Variants in RPS6KC1 observed in about 807,000 individuals in gnomAD.
The protein encoded by RPS6KC1 is inactive ribosomal protein S6 kinase delta-1.
RPS6KC1 carries 54 observed loss-of-function variants against 103.8 expected under a neutral mutation model. That is an observed-to-expected ratio of 0.52 (90% CI 0.42 to 0.65). The LOEUF (loss-of-function observed/expected upper bound fraction) is 0.65, where lower values mean the gene tolerates loss of function less well. Among genes scored for constraint, RPS6KC1 ranks in the 30% least tolerant of loss-of-function variants. The pLI, the probability that RPS6KC1 is intolerant of heterozygous loss-of-function variation, is 0.00. For missense variants in RPS6KC1, 1,151 were observed against 1,253.8 expected, an observed-to-expected ratio of 0.92 and a Z score of 1.24; for synonymous variants, 439 against 438.7, an observed-to-expected ratio of 1.00 and a Z score of -0.01.
the RPS6KC1 span, among the ~76,000 whole-genome samples, chr1:213,757,327 A>C: frequency 6.6e-6 from 1 of 152,232 alleles, no homozygotes; most frequent in Non-Finnish European, 1.5e-5. Context: ...AGGAAATTAA[A>C]AGTACTACTC....
chr1:213,352,321 T>TA, the RPS6KC1 span, among the ~76,000 whole-genome samples: 26 of 152,302 alleles, frequency 1.7e-4, no homozygotes, highest in African/African-American at 6.3e-4. Context: ...AAAACCTGTT[T>TA]AAAAATAAAA....
intron 1 of RPS6KC1, among the ~76,000 whole-genome samples, chr1:213,060,595 C>G (rs953386468): frequency 2.0e-5 from 3 of 152,066 alleles, no homozygotes; most frequent in African/African-American, 7.2e-5. Context: ...AAATGTAAAC[C>G]ATTCCTGATT....
the RPS6KC1 span, among the ~76,000 whole-genome samples, chr1:213,370,973 T>C: frequency 7.2e-5 from 11 of 152,190 alleles, no homozygotes; most frequent in Non-Finnish European, 1.5e-5. Flanking sequence ...AAAATACACA[T>C]AACATTGATC....
At chr1:213,812,499 A>G in the RPS6KC1 span, among the ~76,000 whole-genome samples, 3 of 152,182 alleles carry the variant, frequency 2.0e-5, no homozygotes, top group African/African-American at 7.2e-5. Flanking sequence ...TGTGTATTCT[A>G]TGTGCCCGAG....
At chr1:213,504,646 T>G in the RPS6KC1 span, among the ~76,000 whole-genome samples, 1 of 152,212 alleles carries the variant, frequency 6.6e-6, no homozygotes, top group African/African-American at 2.4e-5. Context: ...ACAGTTTAAC[T>G]GGGTATTAAA....
chr1:213,515,813 C>T, the RPS6KC1 span, among the ~76,000 whole-genome samples: 2 of 152,038 alleles, frequency 1.3e-5, no homozygotes, highest in Non-Finnish European at 2.9e-5. Context: ...CCAAAAATTA[C>T]CTTGGGCAGT....
chr1:213,314,897 C>T, the RPS6KC1 span, among the ~76,000 whole-genome samples: 17 of 152,022 alleles, frequency 1.1e-4, no homozygotes, highest in African/African-American at 4.1e-4. Flanking sequence ...AGAATGGCTG[C>T]GAGTCCCCCA....
At chr1:213,095,668 T>C (rs2148695357) in intron 3 of RPS6KC1, among the ~76,000 whole-genome samples, 1 of 152,222 alleles carries the variant, frequency 6.6e-6, no homozygotes, top group Non-Finnish European at 1.5e-5. Flanking sequence ...TTCAGACCAT[T>C]GCAATAAAGT....
At chr1:213,290,572 C>G in the RPS6KC1 span, among the ~76,000 whole-genome samples, 1 of 152,006 alleles carries the variant, frequency 6.6e-6, no homozygotes, top group Non-Finnish European at 1.5e-5. Context: ...AGCCTATTCT[C>G]TTTCCAAACT....
chr1:213,264,868 C>G (rs1199084777), intron 14 of RPS6KC1, among the ~76,000 whole-genome samples: 1 of 152,120 alleles, frequency 6.6e-6, no homozygotes. Context: ...GTTCTTAGAT[C>G]TCATAATCCC....
At chr1:213,790,141 TC>T in the RPS6KC1 span, among the ~76,000 whole-genome samples, 1 of 152,156 alleles carries the variant, frequency 6.6e-6, no homozygotes, top group Non-Finnish European at 1.5e-5. Context: ...CACCACAGAT[TC>T]TTTCCATAAC....
At chr1:213,223,368 A>G (rs1057100218) in intron 8 of RPS6KC1, among the ~76,000 whole-genome samples, 4 of 152,014 alleles carry the variant, frequency 2.6e-5, no homozygotes, top group South Asian at 2.1e-4. Flanking sequence ...CCACCTCACA[A>G]CCTTCCCTCC....
chr1:213,693,485 A>G, the RPS6KC1 span, among the ~76,000 whole-genome samples: 11 of 152,316 alleles, frequency 7.2e-5, no homozygotes, highest in East Asian at 1.9e-4. Flanking sequence ...AACACCCAAC[A>G]TTCAGTGATT....
the RPS6KC1 span, among the ~76,000 whole-genome samples, chr1:213,301,703 T>C: frequency 6.7e-4 from 37 of 55,120 alleles, no homozygotes; most frequent in African/African-American, 3.0e-3. Context: ...ATTTACTTAT[T>C]TATTTATTTA....
chr1:213,286,383 C>T, the RPS6KC1 span, among the ~76,000 whole-genome samples: 10 of 152,258 alleles, frequency 6.6e-5, no homozygotes, highest in African/African-American at 2.4e-4. Context: ...TATAAGATAA[C>T]ACAGAAACTA....
chr1:213,341,899 G>A, the RPS6KC1 span, among the ~76,000 whole-genome samples: 11 of 152,146 alleles, frequency 7.2e-5, no homozygotes, highest in Non-Finnish European at 1.5e-4. Context: ...TCTACTTCAT[G>A]GGGCTGTGGT....
the RPS6KC1 span, among the ~76,000 whole-genome samples, chr1:213,498,220 A>G: frequency 6.6e-6 from 1 of 152,192 alleles, no homozygotes; most frequent in Admixed American, 6.5e-5. Flanking sequence ...ATGAATATAT[A>G]TGATGAATAT....
At chr1:213,071,115 C>A in intron 2 of RPS6KC1, 74 bp downstream of exon 2, 1 of 904,666 alleles carries the variant, frequency 1.1e-6, no homozygotes, top group Non-Finnish European at 1.7e-6. Context: ...AGGAAATTGC[C>A]TGAATCATTT....
At chr1:213,128,529 A>T (rs1472205806) in intron 5 of RPS6KC1, among the ~76,000 whole-genome samples, 1 of 152,168 alleles carries the variant, frequency 6.6e-6, no homozygotes, top group African/African-American at 2.4e-5. Flanking sequence ...GATCGTGCTC[A>T]TTTACCATGA....
Sources: allele counts gnomAD v4.1 joint callset (sites outside exome capture counted in the v4.1 genomes callset), GRCh38; gene constraint gnomAD v4.1.1; transcripts MANE v1.5; gene names NCBI Gene and HGNC (gene_info 2026-07-23, HGNC 2026-07-21).